The following HMCN2 variants were observed in gnomAD, a reference collection of about 807,000 sequenced individuals.
HMCN2 encodes hemicentin-2.
Under a neutral mutation model 377.5 loss-of-function variants are expected in HMCN2, and 325 were observed. The observed-to-expected ratio is 0.86, with a 90% CI of 0.79 to 0.94. The LOEUF is 0.94. HMCN2 is among the 40% of genes least tolerant of loss of function. The pLI is 0.00. For synonymous variants in HMCN2, 2,007 were observed against 2,046.8 expected (o/e 0.98, Z 0.53); for missense variants, 4,543 against 4,725.3 (o/e 0.96, Z 1.13).
Position 130,399,550 on chromosome 9 carries a change from C to A in HMCN2, c.11523C>A (p.Gly3841=), listed in dbSNP as rs1031215780. The A allele has an allele frequency of 1.6e-6, 2 of 1,289,170 alleles. No individual in the cohort carries two copies. Among genetic ancestry groups the A allele is most frequent in the Non-Finnish European group, 2.0e-6 (2 of 988,380 alleles). The allele number at this position is 1,289,170 out of a possible 1,614,324, so 79.9% of individuals were successfully genotyped here. A position where few individuals can be genotyped will look rare whatever the true frequency, so the allele number is the denominator to read the frequency against. Residue 3841 remains glycine (G), a synonymous_variant, in exon 76 of 98, where the codon GGC becomes GGA. Transcript: ENST00000683500. ...PSNALLLTAP[G]PQDSAQFECV... ...ACGCCCTGCTCCTCACGGCCCCCGG[C>A]CCCCAGGACTCAGCCCAGTTTGAAT...
intron 22 of HMCN2, among the ~76,000 whole-genome samples, chr9:130,330,608 C>A (rs1029047946): frequency 6.6e-6 from 1 of 152,068 alleles, no homozygotes; most frequent in African/African-American, 2.4e-5. Flanking sequence ...TTCGACCCCC[C>A]CAAGTCAGCA....
chr9:130,333,490 G>T lies in HMCN2; in HGVS notation c.3360-4404G>T, dbSNP rs1838538670. Among the ~76,000 whole-genome samples the T allele has an allele frequency of 1.3e-5, 2 of 152,180 alleles. 1 individual carries two copies. The highest frequency in any genetic ancestry group is 4.1e-4 in the South Asian group (2 of 4,830). Reference sequence around the variant, plus strand: ...CATCTGCGTGCGCCTCACTGCAGGGGCTCAAGCCAGATGGATGTCATAAAC... The same window carrying T: ...CATCTGCGTGCGCCTCACTGCAGGGTCTCAAGCCAGATGGATGTCATAAAC... On this transcript the variant is annotated intron_variant, in intron 22 of 97. Coordinates refer to ENST00000683500, the MANE Select transcript of HMCN2 (RefSeq NM_001291815.2).
At chr9:130,286,110 C>G (rs1198492948) in intron 3 of HMCN2, 78 bp from the exon 4 acceptor site, 9 of 456,568 alleles carry the variant, frequency 2.0e-5, no homozygotes, top group African/African-American at 1.2e-4. Context: ...GTCACTCCAC[C>G]CTGGTCGAGG....
intron 85 of HMCN2, among the ~76,000 whole-genome samples, chr9:130,415,642 GTA>G (rs1045382181): frequency 7.9e-5 from 12 of 152,266 alleles, no homozygotes; most frequent in African/African-American, 2.9e-4. Context: ...TGGCTGTGGA[GTA>G]ATTTGAAGTT....
intron 12 of HMCN2, 34 bp downstream of exon 12, chr9:130,306,304 A>G: frequency 2.1e-6 from 1 of 468,900 alleles, no homozygotes; most frequent in Non-Finnish European, 4.4e-6. Flanking sequence ...TCAGGGACTC[A>G]CAGCAGGTGG....
chr9:130,425,172 G>C, intron 89 of HMCN2, 42 bp downstream of exon 89: 1 of 1,496,316 alleles, frequency 6.7e-7, no homozygotes, highest in Non-Finnish European at 8.9e-7. Context: ...GGGTAGGTGA[G>C]AGAGACGAAG....
At chr9:130,358,260 C>A in intron 35 of HMCN2, 130 bp from the exon 36 acceptor site, 4 of 1,101,150 alleles carry the variant, frequency 3.6e-6, no homozygotes, top group Non-Finnish European at 4.8e-6. Flanking sequence ...CATAACTCTA[C>A]CTCCAGAGCC....
chr9:130,384,550 T>G lies in HMCN2; in HGVS notation c.8992+16T>G. On this transcript the variant is annotated intron_variant, in intron 58 of 97. Transcript: ENST00000683500. ...CTCCTGCCTGGTGGGTAAACTGAGGTGTCCGGCCCAGCTCTAAGGTTACAT... is the reference window on the plus strand; with the variant it reads ...CTCCTGCCTGGTGGGTAAACTGAGGGGTCCGGCCCAGCTCTAAGGTTACAT... 7.7e-7 allele frequency: 1 copy of G among 1,304,160 alleles called. No individual in the cohort carries two copies. The highest frequency in any genetic ancestry group is 1.0e-6 in the Non-Finnish European group (1 of 988,932). 80.8% of individuals were successfully genotyped at this position (1,304,160 alleles called of 1,614,324 possible). A position where few individuals can be genotyped will look rare whatever the true frequency, so the allele number is the denominator to read the frequency against.
chr9:130,385,892 C>T (rs1483269762), intron 60 of HMCN2, 130 bp downstream of exon 60: 27 of 520,616 alleles, frequency 5.2e-5, no homozygotes, highest in South Asian at 3.6e-4. Context: ...GACCCCAAAC[C>T]GAGTGGATTA....
At chr9:130,291,157 T>C (rs1485638347) in intron 4 of HMCN2, among the ~76,000 whole-genome samples, 1 of 152,206 alleles carries the variant, frequency 6.6e-6, no homozygotes, top group Non-Finnish European at 1.5e-5. Context: ...AGTATACCAC[T>C]GTGATTGTTC....
chr9:130,397,527 G>T lies in HMCN2; in HGVS notation c.11199-1G>T. ...TCCAGGGCAACCCCCATCCATTCTAGGTTTGAAATTCTGCCTGAGGGTTCC... is the reference window on the plus strand; with the variant it reads ...TCCAGGGCAACCCCCATCCATTCTATGTTTGAAATTCTGCCTGAGGGTTCC... On this transcript the variant is annotated splice_acceptor_variant, in intron 73 of 97. Transcript: ENST00000683500. LOFTEE classifies it high-confidence loss of function. The T allele has an allele frequency of 7.8e-7, 1 of 1,289,810 alleles. No homozygotes were observed. The highest frequency in any genetic ancestry group is 1.2e-5 in the South Asian group (1 of 81,022). The allele number at this position is 1,289,810 out of a possible 1,614,324, so 79.9% of individuals were successfully genotyped here.
intron 66 of HMCN2, among the ~76,000 whole-genome samples, chr9:130,392,859 G>A (rs12551752): frequency 0.25 from 37,097 of 150,900 alleles, 4,972 homozygotes; most frequent in East Asian, 0.48. Context: ...AGCCGGGCCT[G>A]GTGGCGGGCG....
chr9:130,352,021 A>G (rs1243122175), intron 30 of HMCN2, among the ~76,000 whole-genome samples: 4 of 152,148 alleles, frequency 2.6e-5, no homozygotes, highest in Non-Finnish European at 5.9e-5. Flanking sequence ...CATGTTGGCC[A>G]GGCTGGCCTT....
chr9:130,358,695 A>G (rs928394477), intron 36 of HMCN2, among the ~76,000 whole-genome samples: 7 of 149,512 alleles, frequency 4.7e-5, no homozygotes, highest in African/African-American at 1.2e-4. Flanking sequence ...TTTTTTTGAG[A>G]TGGAGTCTCG....
At chr9:130,371,591 A>G (rs548959309) in intron 46 of HMCN2, among the ~76,000 whole-genome samples, 1 of 152,346 alleles carries the variant, frequency 6.6e-6, no homozygotes, top group South Asian at 2.1e-4. Context: ...TCTCTGTCCC[A>G]TCCAAATCCT....
In HMCN2 at chr9:130,429,628, C is replaced by T. The variant is rs1376963870; in HGVS notation, c.14269C>T (p.His4757Tyr). 1 of 1,549,322 alleles carries T rather than the reference C, an allele frequency of 6.5e-7. No individual in the cohort carries two copies. Among genetic ancestry groups the T allele is most frequent in the South Asian group, 1.2e-5 (1 of 83,900 alleles). The part of the protein sequence containing the change: ...NQLCENTPGG[H>Y]RCSCPRGYRM... ...GCTCTGCGAGAACACCCCAGGCGGT[C>T]ACCGCTGCAGCTGCCCCAGGGGTTA... is the stretch of plus-strand genomic sequence containing the variant. Residue 4757 changes from histidine (H) to tyrosine (Y), a missense_variant, in exon 94 of 98, where the codon CAC becomes TAC. By Grantham distance (83) the His-to-Tyr change is moderately conservative. Coordinates refer to ENST00000683500, the MANE Select transcript of HMCN2 (RefSeq NM_001291815.2).
Position 130,407,136 on chromosome 9 carries a change from G to A in HMCN2, c.12554-435G>A, listed in dbSNP as rs570591264. The stretch of plus-strand genomic sequence containing the variant: ...GTGGTGGCACATGCCTGTAATCCCA[G>A]CTACATGGGAGGCTAAGGTAGGAGA... On this transcript the variant is annotated intron_variant, in intron 82 of 97. Coordinates refer to ENST00000683500, the MANE Select transcript of HMCN2 (RefSeq NM_001291815.2). 6 of 159,428 alleles carry A rather than the reference G, an allele frequency of 3.8e-5. No homozygotes were observed. In the South Asian group the frequency reaches 1.0e-3, roughly 28 times the overall value. The allele number at this position is 159,428 out of a possible 1,614,324, so 9.9% of individuals were successfully genotyped here.
At chr9:130,342,981 G>T (rs1383590952) in intron 25 of HMCN2, among the ~76,000 whole-genome samples, 1 of 152,204 alleles carries the variant, frequency 6.6e-6, no homozygotes, top group African/African-American at 2.4e-5. Context: ...TGTAACTCAG[G>T]ACAGTTTCTA....
rs567449870 is a variant in HMCN2 at position 130,369,036 on chromosome 9, C to T, written c.6788-534C>T. ...AGCAGCACAGTCCCTAAGGGCCCCC[C>T]AGTGGTCCAGAGGAGAAAAGCCACA... On this transcript the variant is annotated intron_variant, in intron 44 of 97. Coordinates refer to ENST00000683500, the MANE Select transcript of HMCN2 (RefSeq NM_001291815.2). The surrounding 1 kb of genome is among the most constrained non-coding windows in gnomAD (Gnocchi z 4.5). Among the ~76,000 whole-genome samples, 1 of 152,162 alleles carries T rather than the reference C, an allele frequency of 6.6e-6. No homozygotes were observed. The highest frequency in any genetic ancestry group is 1.5e-5 in the Non-Finnish European group (1 of 68,014).
Sources: allele counts gnomAD v4.1 joint callset (sites outside exome capture counted in the v4.1 genomes callset), GRCh38; gene constraint gnomAD v4.1.1; non-coding constraint Gnocchi (gnomAD v3.1); transcripts MANE v1.5; gene names NCBI Gene and HGNC (gene_info 2026-07-23, HGNC 2026-07-21).